Variants in SOS2 observed in about 807,000 individuals in gnomAD.
SOS2 encodes SOS Ras/Rho guanine nucleotide exchange factor 2.
Under a neutral mutation model 148.2 loss-of-function variants are expected in SOS2, and 65 were observed. The ratio of observed to expected loss-of-function variants is 0.44; its 90% CI spans 0.36 to 0.54. The LOEUF (loss-of-function observed/expected upper bound fraction) is 0.54. SOS2 is among the 20% of genes least tolerant of loss of function. The pLI, the probability that SOS2 is intolerant of heterozygous loss-of-function variation, is 0.00. For missense variants in SOS2, 1,341 were observed against 1,590.2 expected, an observed-to-expected ratio of 0.84 and a Z score of 2.67; for synonymous variants, 539 against 537.1, an observed-to-expected ratio of 1.00 and a Z score of -0.05.
intron 13 of SOS2, among the ~76,000 whole-genome samples, chr14:50,151,572 A>C (rs1884665176): frequency 6.6e-6 from 1 of 152,244 alleles, no homozygotes; most frequent in African/African-American, 2.4e-5. Context: ...ACTTTTCCTC[A>C]TGAACTATTT....
intron 13 of SOS2, among the ~76,000 whole-genome samples, chr14:50,152,268 ATGT>A (rs1418132593): frequency 2.0e-5 from 3 of 152,162 alleles, no homozygotes; most frequent in African/African-American, 7.2e-5. Flanking sequence ...ATTTGTTTAA[ATGT>A]TCATGGCCTA....
At chr14:50,203,591 GATAT>G (rs5808542) in intron 2 of SOS2, among the ~76,000 whole-genome samples, 109 of 149,624 alleles carry the variant, frequency 7.3e-4, no homozygotes, top group African/African-American at 1.5e-3. Context: ...CAGTTTTTCA[GATAT>G]ATATATATAT....
rs542751576 is a variant in SOS2 at position 50,147,615 on chromosome 14, C to T, written c.2385-2019G>A. On this transcript the variant is annotated intron_variant, in intron 14 of 22. Transcript: ENST00000216373. Reference sequence around the variant, plus strand: ...TAAAAATATAAAGAGAAATAGTAAACATCAAATTCAGGGTGGTAGTGCTTT... The same window carrying T: ...TAAAAATATAAAGAGAAATAGTAAATATCAAATTCAGGGTGGTAGTGCTTT... Among the ~76,000 whole-genome samples, 15 of 149,886 alleles carry T rather than the reference C, an allele frequency of 1.0e-4. No homozygotes were observed. In the South Asian group the frequency reaches 3.0e-3, roughly 30 times the overall value.
intron 1 of SOS2, among the ~76,000 whole-genome samples, chr14:50,210,723 G>A (rs1468119124): frequency 6.6e-6 from 1 of 151,698 alleles, no homozygotes; most frequent in African/African-American, 2.4e-5. Context: ...GAGAAAAAAT[G>A]GGCAAAAAAC....
chr14:50,226,229 G>A (rs1332994508), intron 1 of SOS2, among the ~76,000 whole-genome samples: 3 of 152,124 alleles, frequency 2.0e-5, no homozygotes, highest in Non-Finnish European at 4.4e-5. Context: ...GATCGCTTGA[G>A]CCCAGGAGTT....
intron 1 of SOS2, among the ~76,000 whole-genome samples, chr14:50,211,546 A>G (rs1364587486): frequency 4.0e-5 from 6 of 150,110 alleles, no homozygotes; most frequent in Non-Finnish European, 8.9e-5. Context: ...AACATGCAGC[A>G]TTTGTTTTTT....
At chr14:50,213,908 GA>G (rs1886964210) in intron 1 of SOS2, among the ~76,000 whole-genome samples, 1 of 148,506 alleles carries the variant, frequency 6.7e-6, no homozygotes, top group Non-Finnish European at 1.5e-5. Context: ...AAAAAAAAGA[GA>G]AAAAAGAGAA....
At chr14:50,230,535 T>C (rs1887507057) in intron 1 of SOS2, among the ~76,000 whole-genome samples, 1 of 152,230 alleles carries the variant, frequency 6.6e-6, no homozygotes, top group African/African-American at 2.4e-5. Flanking sequence ...GCCCCTTTCT[T>C]GTTCCTTAAA....
intron 4 of SOS2, among the ~76,000 whole-genome samples, chr14:50,190,491 G>T (rs1369453166): frequency 6.6e-6 from 1 of 151,990 alleles, no homozygotes; most frequent in African/African-American, 2.4e-5. Flanking sequence ...TTTTAAATCT[G>T]GTCAGCTCTC....
At chr14:50,171,423 C>T (rs896898613) in intron 8 of SOS2, among the ~76,000 whole-genome samples, 15 of 151,890 alleles carry the variant, frequency 9.9e-5, no homozygotes, top group African/African-American at 2.2e-4. Flanking sequence ...CGGTGGCTCA[C>T]CCCTGTAATC....
chr14:50,118,950 A>G, intron 22 of SOS2, 97 bp from the exon 23 acceptor site: 1 of 725,358 alleles, frequency 1.4e-6, no homozygotes, highest in Non-Finnish European at 2.1e-6. Context: ...AGTTAAATTC[A>G]GAGGCTCAAA....
chr14:50,209,352 C>T (rs1886787701), intron 1 of SOS2, among the ~76,000 whole-genome samples: 1 of 140,922 alleles, frequency 7.1e-6, no homozygotes, highest in African/African-American at 2.6e-5. Context: ...TCTGAAGAAT[C>T]CATGCACCCA....
chr14:50,160,669 G>T (rs1884975345), intron 9 of SOS2, among the ~76,000 whole-genome samples: 1 of 152,050 alleles, frequency 6.6e-6, no homozygotes, highest in South Asian at 2.1e-4. Context: ...TTATAGGCGT[G>T]AGCCACCGTG....
chr14:50,134,243 G>T lies in SOS2; in HGVS notation c.2959-4C>A, dbSNP rs377396948. 20 of 1,330,786 alleles carry T rather than the reference G, an allele frequency of 1.5e-5. No individual in the cohort carries two copies. Among genetic ancestry groups the T allele is most frequent in the Non-Finnish European group, 2.0e-5 (19 of 932,924 alleles). 82.4% of individuals were successfully genotyped at this position (1,330,786 alleles called of 1,614,324 possible). ...GGTTAAGGTTTTCAAAGAATCTCTGGAATTAAACAAATAACACAAGTGCAT... is the reference window on the plus strand; with the variant it reads ...GGTTAAGGTTTTCAAAGAATCTCTGTAATTAAACAAATAACACAAGTGCAT... On this transcript the variant is annotated splice_polypyrimidine_tract_variant and splice_region_variant and intron_variant, in intron 18 of 22. Coordinates refer to ENST00000216373, the MANE Select transcript of SOS2 (RefSeq NM_006939.4).
chr14:50,145,212 T>A lies in SOS2; in HGVS notation c.2625A>T (p.Ala875=), dbSNP rs761442415. The part of the protein sequence containing the change: ...NFNGVLEIVS[A]VNSVSVYRLD... ...GTCTGTATACTGACACTGAATTTAC[T>A]GCACTGACTATCTCCAATACGCCAT... is the stretch of plus-strand genomic sequence containing the variant. Residue 875 remains alanine, a synonymous_variant, in exon 16 of 23, where the codon GCA becomes GCT. Coordinates refer to ENST00000216373, the MANE Select transcript of SOS2 (RefSeq NM_006939.4). The A allele has an allele frequency of 2.2e-5, 36 of 1,611,132 alleles. No homozygotes were observed. In the Admixed American group the frequency reaches 5.9e-4, roughly 26 times the overall value.
chr14:50,212,299 C>A (rs1429015952), intron 1 of SOS2, among the ~76,000 whole-genome samples: 2 of 152,156 alleles, frequency 1.3e-5, no homozygotes, highest in East Asian at 3.9e-4. Flanking sequence ...CACGGTGAAA[C>A]CCCGTCTCTA....
At chr14:50,133,743 T>C (rs1431019233) in intron 19 of SOS2, among the ~76,000 whole-genome samples, 2 of 152,230 alleles carry the variant, frequency 1.3e-5, no homozygotes, top group African/African-American at 2.4e-5. Context: ...GAGGCAACTA[T>C]GGACCATGGA....
At position 50,216,973 on chromosome 14, in the gene SOS2, G is replaced by A. The variant is rs74244419; in HGVS notation, c.88-12564C>T. 4.6e-5 allele frequency among the ~76,000 whole-genome samples: 7 copies of A among 152,068 alleles called. No homozygotes were observed. The East Asian group carries it at 1.2e-3, about 25-fold the overall frequency. ...GATATGTTGATTAAAACATTCTCAT[G>A]GAAATACAAAGGTCCTAGAATAACT... On this transcript the variant is annotated intron_variant, in intron 1 of 22. Coordinates refer to ENST00000216373, the MANE Select transcript of SOS2 (RefSeq NM_006939.4).
Position 50,178,664 on chromosome 14 carries a change from GTGTGTGCATATATATATATATATA to G in SOS2, c.969+1884_969+1907del, listed in dbSNP as rs1420433680. Among the ~76,000 whole-genome samples the G allele has an allele frequency of 4.4e-4, 7 of 15,824 alleles. 1 individual carries two copies. Among genetic ancestry groups the G allele is most frequent in the Non-Finnish European group, 8.2e-4 (6 of 7,312 alleles). The allele number at this position is 15,824 out of a possible 152,430, so 10.4% of individuals were successfully genotyped here. A position where few individuals can be genotyped will look rare whatever the true frequency, so the allele number is the denominator to read the frequency against. On this transcript the variant is annotated intron_variant, in intron 7 of 22. Coordinates refer to ENST00000216373, the MANE Select transcript of SOS2 (RefSeq NM_006939.4). ...TGCCCGCTAGTGTGTGTGTGTGTGTGTGTGTGCATATATATATATATATATATATATATATATATATATATATAC... is the reference window on the plus strand; with the variant it reads ...TGCCCGCTAGTGTGTGTGTGTGTGTGTATATATATATATATATATATATAC...
Sources: allele counts gnomAD v4.1 joint callset (sites outside exome capture counted in the v4.1 genomes callset), GRCh38; gene constraint gnomAD v4.1.1; transcripts MANE v1.5; gene names NCBI Gene and HGNC (gene_info 2026-07-23, HGNC 2026-07-21).